SPAG1: variants seen among roughly 807,000 people sequenced by gnomAD.
The protein encoded by SPAG1 is sperm associated antigen 1.
Under a neutral mutation model 100.5 loss-of-function variants are expected in SPAG1, and 69 were observed. The ratio of observed to expected loss-of-function variants is 0.69; its 90% CI spans 0.57 to 0.84. The LOEUF (loss-of-function observed/expected upper bound fraction) is 0.84, where lower values mean the gene tolerates loss of function less well. Ranked by LOEUF, SPAG1 falls within the 40% of genes least tolerant of loss-of-function variation. The pLI is 0.00. For missense variants in SPAG1, 955 were observed against 1,133.1 expected (o/e 0.84, Z 2.26); for synonymous variants, 336 against 411.6 (o/e 0.82, Z 2.22).
chr8:100,166,096 G>A (rs1815539062), intron 3 of SPAG1, 123 bp downstream of exon 3: 1 of 838,098 alleles, frequency 1.2e-6, no homozygotes, highest in Admixed American at 3.1e-5. Flanking sequence ...AATTAGGCAG[G>A]ATTGGTTGCT....
chr8:100,205,222 C>A (rs1817456334), intron 10 of SPAG1, among the ~76,000 whole-genome samples: 1 of 152,102 alleles, frequency 6.6e-6, no homozygotes, highest in South Asian at 2.1e-4. Flanking sequence ...AGGAAGGACC[C>A]CACTACAGTA....
chr8:100,182,027 C>G (rs1045213384), intron 4 of SPAG1, among the ~76,000 whole-genome samples: 2 of 152,138 alleles, frequency 1.3e-5, no homozygotes, highest in Non-Finnish European at 2.9e-5. Context: ...TTGCTATTAG[C>G]AAACCTGAGC....
At chr8:100,235,222 CTT>C in intron 16 of SPAG1, among the ~76,000 whole-genome samples, 1 of 152,072 alleles carries the variant, frequency 6.6e-6, no homozygotes, top group Non-Finnish European at 1.5e-5. Context: ...CAAATCTTCT[CTT>C]TTTATAAAGA....
In SPAG1 at chr8:100,229,428, A is replaced by C. The variant is rs1016045724; in HGVS notation, c.1856-1728A>C. ...GACAGAGCGAGACTCCGTCTCAAAA[A>C]ACAAAACAAAACAAAACAAAAAAAA... On this transcript the variant is annotated intron_variant, in intron 14 of 18. Coordinates refer to ENST00000388798, the MANE Select transcript of SPAG1 (RefSeq NM_003114.5). Among the ~76,000 whole-genome samples the C allele has an allele frequency of 9.3e-5, 14 of 151,310 alleles. No individual in the cohort carries two copies. The East Asian group carries it at 2.1e-3, about 23-fold the overall frequency.
At chr8:100,231,462 G>A (rs1466575946) in intron 15 of SPAG1, among the ~76,000 whole-genome samples, 174 bp downstream of exon 15, 1 of 152,188 alleles carries the variant, frequency 6.6e-6, no homozygotes, top group Non-Finnish European at 1.5e-5. Context: ...TGAGGCCGTG[G>A]GAGTTCTACA....
At chr8:100,233,249 T>C in intron 15 of SPAG1, 162 bp from the exon 16 acceptor site, 1 of 705,718 alleles carries the variant, frequency 1.4e-6, no homozygotes, top group Non-Finnish European at 2.4e-6. Context: ...TGCGGTTGTA[T>C]GCCCAGTGCC....
intron 3 of SPAG1, among the ~76,000 whole-genome samples, chr8:100,172,634 ATGTGTGTGTG>A (rs60155004): frequency 8.2e-5 from 12 of 145,462 alleles, no homozygotes; most frequent in South Asian, 2.2e-4. Flanking sequence ...AAAGAAATAT[ATGTGTGTGTG>A]TGTGTGTGTG....
chr8:100,240,671 T>G lies in SPAG1; in HGVS notation c.2549T>G (p.Phe850Cys), dbSNP rs1303336533. Residue 850 changes from phenylalanine to cysteine, a missense_variant, in exon 18 of 19, where the codon TTC (phenylalanine) becomes TGC (cysteine). Transcript: ENST00000388798. ...AGTAACAAACTTGAAGGGGATACAT[T>G]CCTTCTCCTCATTCAGTCTCTGAAA... ...FLSNKLEGDTFLLLIQSLKNN... is the reference protein window; with the variant it reads ...FLSNKLEGDTCLLLIQSLKNN... 1 of 1,614,112 alleles carries G rather than the reference T, an allele frequency of 6.2e-7. No homozygotes were observed. Among genetic ancestry groups the G allele is most frequent in the South Asian group, 1.1e-5 (1 of 91,072 alleles).
At chr8:100,197,167 A>G (rs1207893313) in intron 10 of SPAG1, among the ~76,000 whole-genome samples, 1 of 152,162 alleles carries the variant, frequency 6.6e-6, no homozygotes, top group Non-Finnish European at 1.5e-5. Context: ...TAGAAAGAAT[A>G]TAATTTTTAA....
At chr8:100,184,347 G>A (rs1426107492) in intron 6 of SPAG1, among the ~76,000 whole-genome samples, 1 of 150,580 alleles carries the variant, frequency 6.6e-6, no homozygotes, top group Non-Finnish European at 1.5e-5. Context: ...TCCTAAAATT[G>A]TTTTCTTTTT....
intron 7 of SPAG1, among the ~76,000 whole-genome samples, chr8:100,186,515 A>G (rs547767805): frequency 1.3e-5 from 2 of 152,316 alleles, no homozygotes; most frequent in South Asian, 4.1e-4. Context: ...TCAGTATTTA[A>G]ATTCCCATAA....
At chr8:100,190,743 G>C (rs4734003) in intron 8 of SPAG1, among the ~76,000 whole-genome samples, 149,044 of 149,044 alleles carry the variant, frequency 1, 74,522 homozygotes, top group Non-Finnish European at 1. Context: ...TGGCTCACTG[G>C]AACCTCCACC....
At chr8:100,191,635 C>T (rs1267254900) in intron 9 of SPAG1, 139 bp downstream of exon 9, 3 of 549,662 alleles carry the variant, frequency 5.5e-6, no homozygotes, top group Non-Finnish European at 9.6e-6. Context: ...TTCCAGACAC[C>T]CCAAAACGTT....
intron 12 of SPAG1, 75 bp downstream of exon 12, chr8:100,213,993 A>G (rs1410027705): frequency 5.0e-6 from 4 of 807,534 alleles, no homozygotes; most frequent in African/African-American, 3.4e-5. Context: ...CCAAGATCCT[A>G]AATTTTCTGC....
At position 100,206,614 on chromosome 8, in the gene SPAG1, T is replaced by C. The variant is rs190983730; in HGVS notation, c.1097-6476T>C. 1.9e-4 allele frequency among the ~76,000 whole-genome samples: 29 copies of C among 152,316 alleles called. No individual in the cohort carries two copies. The East Asian group carries it at 4.8e-3, about 25-fold the overall frequency. On this transcript the variant is annotated intron_variant, in intron 10 of 18. Coordinates refer to ENST00000388798, the MANE Select transcript of SPAG1 (RefSeq NM_003114.5). ...TAAAATTTCCTGGGTTCCGGTGGTA[T>C]GGGGCCTGTCGAGATATTCCTTCTA... is the stretch of plus-strand genomic sequence containing the variant.
chr8:100,208,003 G>C (rs192288909), intron 10 of SPAG1, among the ~76,000 whole-genome samples: 1 of 152,330 alleles, frequency 6.6e-6, no homozygotes, highest in East Asian at 1.9e-4. Flanking sequence ...CCATAGCCAG[G>C]ATTCATGGGT....
intron 16 of SPAG1, among the ~76,000 whole-genome samples, chr8:100,234,279 A>G (rs983693487): frequency 6.6e-6 from 1 of 152,182 alleles, no homozygotes; most frequent in Non-Finnish European, 1.5e-5. Context: ...CAGGTCATTG[A>G]CTTTTGGTAT....
intron 14 of SPAG1, among the ~76,000 whole-genome samples, chr8:100,229,916 C>T (rs1216277162): frequency 1.3e-5 from 2 of 152,208 alleles, no homozygotes; most frequent in East Asian, 3.8e-4. Flanking sequence ...CCATCTTGGC[C>T]TCTTCCTTGC....
intron 13 of SPAG1, among the ~76,000 whole-genome samples, chr8:100,224,672 G>A (rs1035091141): frequency 2.0e-5 from 3 of 152,196 alleles, no homozygotes; most frequent in Non-Finnish European, 4.4e-5. Context: ...ATGACAGCGA[G>A]CCCTTACCAG....
Sources: allele counts gnomAD v4.1 joint callset (sites outside exome capture counted in the v4.1 genomes callset), GRCh38; gene constraint gnomAD v4.1.1; transcripts MANE v1.5; gene names NCBI Gene and HGNC (gene_info 2026-07-23, HGNC 2026-07-21).